Variants in ITPR2 observed in about 807,000 individuals in gnomAD.
ITPR2 encodes inositol 1,4,5-trisphosphate receptor type 2.
Under a neutral mutation model 317.1 loss-of-function variants are expected in ITPR2, and 207 were observed. The ratio of observed to expected loss-of-function variants is 0.65; its 90% CI spans 0.58 to 0.73. ITPR2 has a LOEUF of 0.73. ITPR2 is among the 30% of genes least tolerant of loss of function. ITPR2 has a pLI of 0.00. For missense variants in ITPR2, 2,613 were observed against 3,284.0 expected, an observed-to-expected ratio of 0.80 and a Z score of 4.99; for synonymous variants, 1,156 against 1,149.1, an observed-to-expected ratio of 1.01 and a Z score of -0.12.
At chr12:26,645,897 T>C (rs1947101741) in intron 21 of ITPR2, among the ~76,000 whole-genome samples, 1 of 152,006 alleles carries the variant, frequency 6.6e-6, no homozygotes, top group African/African-American at 2.4e-5. Context: ...ATCCCCCATT[T>C]CCACATACAC....
intron 55 of ITPR2, among the ~76,000 whole-genome samples, chr12:26,384,213 T>C (rs1198210001): frequency 6.6e-6 from 1 of 152,250 alleles, no homozygotes; most frequent in African/African-American, 2.4e-5. Context: ...ATCTTCTCTC[T>C]CTCTAGGAGG....
intron 48 of ITPR2, among the ~76,000 whole-genome samples, chr12:26,429,273 TATC>T (rs1265313747): frequency 6.6e-6 from 1 of 152,234 alleles, no homozygotes; most frequent in African/African-American, 2.4e-5. Flanking sequence ...GGTTTGTTCT[TATC>T]ATGCTGTCTC....
intron 45 of ITPR2, among the ~76,000 whole-genome samples, chr12:26,457,989 C>T (rs546545624): frequency 6.6e-6 from 1 of 152,304 alleles, no homozygotes; most frequent in South Asian, 2.1e-4. Context: ...AGCATGCTCA[C>T]TAAGGGTCAC....
rs547514202 is a variant in ITPR2, at chr12:26,675,953, T to G, written c.1409+5921A>C. ...CGGGCAGATCACCTGAGGTCAGGAG[T>G]TCAACACCAGCCTGGCCAACATGGT... On this transcript the variant is annotated intron_variant, in intron 13 of 56. Coordinates refer to ENST00000381340, the MANE Select transcript of ITPR2 (RefSeq NM_002223.4). Among the ~76,000 whole-genome samples, 15 of 150,012 alleles carry G rather than the reference T, an allele frequency of 1.0e-4. No individual in the cohort carries two copies. In the East Asian group the frequency reaches 2.7e-3, roughly 27 times the overall value.
chr12:26,693,139 T>C (rs890945726), intron 10 of ITPR2, among the ~76,000 whole-genome samples: 1 of 152,184 alleles, frequency 6.6e-6, no homozygotes, highest in African/African-American at 2.4e-5. Context: ...CAGTTGGATG[T>C]CTCCCTGAGA....
At chr12:26,690,239 T>C (rs1363518807) in intron 10 of ITPR2, among the ~76,000 whole-genome samples, 2 of 152,216 alleles carry the variant, frequency 1.3e-5, no homozygotes, top group African/African-American at 4.8e-5. Flanking sequence ...TAAAATGTTA[T>C]CAGTCATATT....
chr12:26,554,484 C>T (rs1944612033), intron 36 of ITPR2, among the ~76,000 whole-genome samples: 1 of 152,172 alleles, frequency 6.6e-6, no homozygotes, highest in African/African-American at 2.4e-5. Context: ...TGGCAACTAA[C>T]TGATTCTGCC....
intron 41 of ITPR2, among the ~76,000 whole-genome samples, chr12:26,485,024 T>C (rs1825478): frequency 0.62 from 91,946 of 147,136 alleles, 32,746 homozygotes; most frequent in Non-Finnish European, 0.79. Context: ...CGGAATACCA[T>C]AGAATATGAT....
chr12:26,818,923 T>C (rs1015703954), intron 1 of ITPR2, among the ~76,000 whole-genome samples: 2 of 152,208 alleles, frequency 1.3e-5, no homozygotes, highest in Non-Finnish European at 2.9e-5. Context: ...ATTTGGGTAA[T>C]AGAATTTTGT....
chr12:26,512,860 TCACCCAGG>T (rs1246431832), intron 37 of ITPR2, among the ~76,000 whole-genome samples: 80 of 149,692 alleles, frequency 5.3e-4, no homozygotes, highest in Non-Finnish European at 6.1e-4. Flanking sequence ...TTTTGCTCCG[TCACCCAGG>T]CTAGAGTGCA....
intron 37 of ITPR2, among the ~76,000 whole-genome samples, chr12:26,507,857 C>CTCTGTGTGTGTGTGTGTG (rs1326140162): frequency 1.1e-4 from 10 of 88,332 alleles, no homozygotes; most frequent in African/African-American, 3.0e-4. Context: ...TCTTCTCTCT[C>CTCTGTGTGTGTGTGTGTG]TGTCTCTGTG....
At chr12:26,441,320 A>C (rs1409028609) in intron 46 of ITPR2, among the ~76,000 whole-genome samples, 1 of 152,142 alleles carries the variant, frequency 6.6e-6, no homozygotes, top group Non-Finnish European at 1.5e-5. Context: ...AGGGTCTTTA[A>C]GTCTATAACT....
intron 9 of ITPR2, among the ~76,000 whole-genome samples, chr12:26,704,571 T>A (rs886345290): frequency 1.3e-5 from 2 of 151,708 alleles, no homozygotes; most frequent in African/African-American, 4.8e-5. Context: ...CTTACCCTCC[T>A]TAACTTATCT....
rs186414113 is a variant in ITPR2, at chr12:26,335,802, T to G, written c.*3595A>C. The G allele has an allele frequency of 6.6e-6, 1 of 152,364 alleles. No homozygotes were observed. Among genetic ancestry groups the G allele is most frequent in the East Asian group, 1.9e-4 (1 of 5,182 alleles). The allele number at this position is 152,364 out of a possible 1,614,324, so 9.4% of individuals were successfully genotyped here. ...ATTTGGTGTGCACCTCACAATTTCA[T>G]GCAATTTAGTGACTTGCCAAGCTCC... On this transcript the variant is annotated 3_prime_UTR_variant, in exon 57 of 57. Coordinates refer to ENST00000381340, the MANE Select transcript of ITPR2 (RefSeq NM_002223.4).
intron 45 of ITPR2, among the ~76,000 whole-genome samples, chr12:26,458,108 G>C (rs1941934158): frequency 6.6e-6 from 1 of 152,168 alleles, no homozygotes; most frequent in Non-Finnish European, 1.5e-5. Context: ...AATCATTTTA[G>C]CTTCCCTGTG....
At chr12:26,505,175 G>T (rs1023872590) in intron 37 of ITPR2, among the ~76,000 whole-genome samples, 1 of 152,142 alleles carries the variant, frequency 6.6e-6, no homozygotes. Context: ...TATAGGAAAA[G>T]AAAATGCTCA....
intron 37 of ITPR2, among the ~76,000 whole-genome samples, chr12:26,497,714 T>A (rs1942972865): frequency 6.7e-6 from 1 of 149,450 alleles, no homozygotes; most frequent in Admixed American, 6.6e-5. Context: ...AAGAATTTTT[T>A]TTTTTTTTTT....
chr12:26,725,941 T>A, intron 2 of ITPR2, 176 bp from the exon 3 acceptor site: 1 of 488,926 alleles, frequency 2.0e-6, no homozygotes, highest in East Asian at 3.3e-5. Context: ...TTTCAAATAA[T>A]TATCTAGACT....
intron 37 of ITPR2, among the ~76,000 whole-genome samples, chr12:26,497,254 T>C (rs1385739121): frequency 2.0e-5 from 3 of 150,348 alleles, no homozygotes; most frequent in African/African-American, 4.9e-5. Flanking sequence ...CCTGGGTTCA[T>C]GCCATTCTCC....
Sources: gnomAD v4.1 joint callset for allele counts (sites outside exome capture counted in the v4.1 genomes callset) on GRCh38, gnomAD v4.1.1 for gene constraint, MANE v1.5 for transcripts, NCBI Gene and HGNC (gene_info 2026-07-23, HGNC 2026-07-21) for gene names.